WDR53: variants seen among roughly 807,000 people sequenced by gnomAD.
The protein encoded by WDR53 is WD repeat domain 53.
A neutral mutation model predicts 21.3 loss-of-function variants in WDR53; 19 were observed. The ratio of observed to expected loss-of-function variants is 0.89; its 90% CI spans 0.62 to 1.31. WDR53 has a LOEUF of 1.31. Among genes scored for constraint, WDR53 ranks in the 50% most tolerant of loss-of-function variants. The pLI, the probability that WDR53 is intolerant of heterozygous loss-of-function variation, is 0.00. For synonymous variants in WDR53, 157 were observed against 163.4 expected (o/e 0.96, Z 0.30); for missense variants, 374 against 423.2 (o/e 0.88, Z 1.02).
rs1269970185 is a variant in WDR53 at position 196,567,163 on chromosome 3, T to C, written c.-303A>G. 4 of 457,222 alleles carry C rather than the reference T, an allele frequency of 8.7e-6. No individual in the cohort carries two copies. Among genetic ancestry groups the C allele is most frequent in the Admixed American group, 4.7e-5 (2 of 42,590 alleles). 28.3% of individuals were successfully genotyped at this position (457,222 alleles called of 1,614,324 possible). The stretch of plus-strand genomic sequence containing the variant: ...ATCAACTCTGCTTATCCTTGAAGAC[T>C]TCAAAGAAATTAGTGAGAGACAGTC... On this transcript the variant is annotated 5_prime_UTR_variant, in exon 2 of 4. Transcript: ENST00000332629.
intron 2 of WDR53, among the ~76,000 whole-genome samples, chr3:196,565,105 C>G (rs1397330143): frequency 2.0e-5 from 3 of 152,150 alleles, no homozygotes; most frequent in African/African-American, 7.2e-5. Flanking sequence ...CACAGTGGAA[C>G]CAGTAGTAAC....
chr3:196,556,819 C>A (rs1275872200), intron 3 of WDR53, among the ~76,000 whole-genome samples: 2 of 152,134 alleles, frequency 1.3e-5, no homozygotes, highest in Non-Finnish European at 2.9e-5. Flanking sequence ...ATGCACTGCA[C>A]CCAGAGTGTT....
chr3:196,563,447 G>A (rs1028010842), intron 2 of WDR53, among the ~76,000 whole-genome samples: 11 of 152,160 alleles, frequency 7.2e-5, no homozygotes, highest in Non-Finnish European at 1.3e-4. Context: ...GAGCTTACCC[G>A]AGTGCCAGCC....
In WDR53 at chr3:196,554,589, C is replaced by T. The variant is rs1560298886; in HGVS notation, c.699G>A (p.Gln233=). ...IFRVMGVKCE[Q]ELGFKGHTSG... ...AAGTGTGGCCCTTAAATCCCAGTTCCTGTTCACACTTAACTCCCATCACCC... is the reference window on the plus strand; with the variant it reads ...AAGTGTGGCCCTTAAATCCCAGTTCTTGTTCACACTTAACTCCCATCACCC... Residue 233 remains glutamine (Q), a synonymous_variant, in exon 4 of 4, where the codon CAG becomes CAA. Coordinates refer to ENST00000332629, the MANE Select transcript of WDR53 (RefSeq NM_182627.3). 32 of 1,614,096 alleles carry T rather than the reference C, an allele frequency of 2.0e-5. No individual in the cohort carries two copies. The highest frequency in any genetic ancestry group is 2.6e-5 in the Non-Finnish European group (31 of 1,179,996).
At chr3:196,560,247 CTT>C (rs11425350) in intron 3 of WDR53, among the ~76,000 whole-genome samples, 3 of 144,950 alleles carry the variant, frequency 2.1e-5, no homozygotes, top group Non-Finnish European at 3.0e-5. Flanking sequence ...TTTCTTTTTT[CTT>C]TTTTTTTTTT....
At chr3:196,558,924 A>T (rs1377567864) in intron 3 of WDR53, among the ~76,000 whole-genome samples, 1 of 152,228 alleles carries the variant, frequency 6.6e-6, no homozygotes, top group Non-Finnish European at 1.5e-5. Context: ...CAAAATAAGA[A>T]ATTACCTGAG....
chr3:196,559,943 G>T (rs1415193759), intron 3 of WDR53, among the ~76,000 whole-genome samples: 6 of 152,096 alleles, frequency 3.9e-5, no homozygotes, highest in Non-Finnish European at 8.8e-5. Context: ...ACAAAGCATT[G>T]GCAAGAACTA....
chr3:196,559,067 C>T (rs1461967793), intron 3 of WDR53, among the ~76,000 whole-genome samples: 2 of 152,216 alleles, frequency 1.3e-5, no homozygotes, highest in South Asian at 2.1e-4. Flanking sequence ...GAAAAGTACA[C>T]ATCACTTTTG....
intron 2 of WDR53, among the ~76,000 whole-genome samples, chr3:196,563,751 T>A (rs1735104897): frequency 6.6e-6 from 1 of 152,174 alleles, no homozygotes; most frequent in South Asian, 2.1e-4. Flanking sequence ...TTTCCATTTT[T>A]AGTAGAGACA....
chr3:196,556,441 T>C (rs971248981), intron 3 of WDR53, among the ~76,000 whole-genome samples: 2 of 151,950 alleles, frequency 1.3e-5, no homozygotes, highest in African/African-American at 4.8e-5. Flanking sequence ...CGGATCACGA[T>C]GTCAGGAGAT....
intron 3 of WDR53, among the ~76,000 whole-genome samples, chr3:196,555,721 T>A (rs1182022445): frequency 6.6e-6 from 1 of 152,220 alleles, no homozygotes; most frequent in East Asian, 1.9e-4. Flanking sequence ...GGAAGAAGCA[T>A]GAGCTTGTTT....
At chr3:196,564,240 T>C (rs1390981670) in intron 2 of WDR53, among the ~76,000 whole-genome samples, 1 of 152,142 alleles carries the variant, frequency 6.6e-6, no homozygotes, top group Non-Finnish European at 1.5e-5. Context: ...ACCTAGATTT[T>C]AAACGAAAGG....
intron 2 of WDR53, among the ~76,000 whole-genome samples, chr3:196,565,929 G>GT (rs1213070033): frequency 6.6e-6 from 1 of 152,182 alleles, no homozygotes; most frequent in African/African-American, 2.4e-5. Flanking sequence ...CCACATTCAC[G>GT]TATCAAGTCA....
At chr3:196,557,268 G>A (rs1734410109) in intron 3 of WDR53, among the ~76,000 whole-genome samples, 1 of 152,200 alleles carries the variant, frequency 6.6e-6, no homozygotes, top group Non-Finnish European at 1.5e-5. Context: ...TTCAGGCCAG[G>A]TGCAGTGGCT....
In WDR53 at chr3:196,564,982, A is replaced by G. The variant is rs557082109; in HGVS notation, c.-17+1895T>C. The stretch of plus-strand genomic sequence containing the variant: ...TTCTTTTCTAGAAAAGATTAACTCA[A>G]TCTTCAAGGTTCATTCAGTTAAGTT... On this transcript the variant is annotated intron_variant, in intron 2 of 3. Transcript: ENST00000332629. Among the ~76,000 whole-genome samples the G allele has an allele frequency of 8.5e-5, 13 of 152,286 alleles. No homozygotes were observed. The East Asian group carries it at 1.9e-3, about 23-fold the overall frequency.
rs1403231759 is a variant in WDR53 at position 196,561,387 on chromosome 3, C to T, written c.89G>A (p.Gly30Asp). The change falls in exon 3 of 4, where the codon GGC (glycine) becomes GAC (aspartate). Residue 30 changes from glycine (G) to aspartate (D), a missense_variant. Coordinates refer to ENST00000332629, the MANE Select transcript of WDR53 (RefSeq NM_182627.3). ...TTCACCCCAAGCCGTGAGATCTCCG[C>T]CCTCTGCTCCAGAAGCCAGCAGCCC... is the stretch of plus-strand genomic sequence containing the variant. ...KEGLLASGAE[G>D]GDLTAWGEDG... 1 of 1,613,940 alleles carries T rather than the reference C, an allele frequency of 6.2e-7. No homozygotes were observed. The highest frequency in any genetic ancestry group is 8.5e-7 in the Non-Finnish European group (1 of 1,180,006).
intron 2 of WDR53, among the ~76,000 whole-genome samples, chr3:196,563,181 T>C (rs555878390): frequency 1.3e-5 from 2 of 152,340 alleles, no homozygotes; most frequent in East Asian, 3.9e-4. Context: ...CTTGAAAATG[T>C]ACTCACATAT....
chr3:196,559,876 CTTTAT>C (rs1404302332), intron 3 of WDR53, among the ~76,000 whole-genome samples: 1 of 148,114 alleles, frequency 6.8e-6, no homozygotes, highest in Non-Finnish European at 1.5e-5. Context: ...ATTTCAGTTT[CTTTAT>C]TTATTAAAAA....
chr3:196,563,155 T>C (rs928008138), intron 2 of WDR53, among the ~76,000 whole-genome samples: 6 of 152,348 alleles, frequency 3.9e-5, no homozygotes, highest in African/African-American at 1.4e-4. Flanking sequence ...CAAAAGTTAC[T>C]AGTAAGTCAT....
Sources: gnomAD v4.1 joint callset for allele counts (sites outside exome capture counted in the v4.1 genomes callset) on GRCh38, gnomAD v4.1.1 for gene constraint, MANE v1.5 for transcripts, NCBI Gene and HGNC (gene_info 2026-07-23, HGNC 2026-07-21) for gene names.